GPM6A: variants seen among roughly 807,000 people sequenced by gnomAD.
The protein encoded by GPM6A is neuronal membrane glycoprotein M6-a.
GPM6A carries 7 observed loss-of-function variants against 32.1 expected under a neutral mutation model. That is an observed-to-expected ratio of 0.22 (90% CI 0.12 to 0.41). The LOEUF (loss-of-function observed/expected upper bound fraction) is 0.41. Ranked by LOEUF, GPM6A falls within the 10% of genes least tolerant of loss-of-function variation. The pLI, the probability that GPM6A is intolerant of heterozygous loss-of-function variation, is 1.00. For missense variants in GPM6A, 235 were observed against 347.2 expected (o/e 0.68, Z 2.57); for synonymous variants, 130 against 123.4 (o/e 1.05, Z -0.35).
intron 1 of GPM6A, among the ~76,000 whole-genome samples, chr4:175,704,321 TCA>T (rs112980051): frequency 0.027 from 4,016 of 150,106 alleles, 90 homozygotes; most frequent in South Asian, 0.11. Flanking sequence ...TCTCTTTCTC[TCA>T]CACACACACA....
At chr4:175,726,286 A>G (rs1746407244) in intron 1 of GPM6A, among the ~76,000 whole-genome samples, 1 of 152,080 alleles carries the variant, frequency 6.6e-6, no homozygotes. Flanking sequence ...GGCGTGAGCC[A>G]CTGCGCCCAG....
chr4:175,673,977 T>C (rs1158265635), intron 2 of GPM6A, 141 bp from the exon 3 acceptor site: 2 of 577,588 alleles, frequency 3.5e-6, no homozygotes, highest in Admixed American at 3.2e-5. Flanking sequence ...TTTAAAAACA[T>C]GTTTGCTTCA....
intron 3 of GPM6A, among the ~76,000 whole-genome samples, chr4:175,659,465 G>A (rs112264556): frequency 7.9e-4 from 120 of 152,044 alleles, no homozygotes; most frequent in African/African-American, 2.4e-3. Context: ...CTTTGCAGAA[G>A]GTAAAAGAGT....
At position 175,884,264 on chromosome 4, in the gene GPM6A, C is replaced by T. The variant is rs188620447; in HGVS notation, c.-22-72015G>A. Among the ~76,000 whole-genome samples, 257 of 152,264 alleles carry T rather than the reference C, an allele frequency of 1.7e-3. 1 individual carries two copies. The highest frequency in any genetic ancestry group is 5.4e-3 in the African/African-American group (225 of 41,540). On this transcript the variant is annotated intron_variant, in intron 1 of 7. Transcript: ENST00000280187. ...CAAGCATTGACAAAGAACGCAAGATCGTTAGATTCATTGTCTTCTTTTTCT... is the reference window on the plus strand; with the variant it reads ...CAAGCATTGACAAAGAACGCAAGATTGTTAGATTCATTGTCTTCTTTTTCT...
At chr4:175,669,383 C>A (rs1185965166) in intron 3 of GPM6A, among the ~76,000 whole-genome samples, 3 of 152,016 alleles carry the variant, frequency 2.0e-5, no homozygotes, top group Admixed American at 2.0e-4. Flanking sequence ...TGCTTAGGGC[C>A]AGAAGTGTTT....
Position 176,001,569 on chromosome 4 carries a change from A to T in GPM6A, c.-23+740T>A, listed in dbSNP as rs1168183150. Among the ~76,000 whole-genome samples, 3 of 152,094 alleles carry T rather than the reference A, an allele frequency of 2.0e-5. No individual in the cohort carries two copies. In the East Asian group the frequency reaches 5.8e-4, roughly 29 times the overall value. The stretch of plus-strand genomic sequence containing the variant: ...CTATTCCAAGCTGCCTCCGCTAAGC[A>T]CCGAATAAGCGGACCCTGCCTGGAA... On this transcript the variant is annotated intron_variant, in intron 1 of 7. Transcript: ENST00000280187.
chr4:175,886,832 G>T (rs143138244), intron 1 of GPM6A, among the ~76,000 whole-genome samples: 3 of 151,470 alleles, frequency 2.0e-5, no homozygotes, highest in Admixed American at 2.0e-4. Context: ...GATTAAACTT[G>T]CTTCTAATTG....
chr4:175,849,630 A>G (rs1006959828), intron 1 of GPM6A, among the ~76,000 whole-genome samples: 4 of 152,190 alleles, frequency 2.6e-5, no homozygotes, highest in African/African-American at 7.2e-5. Flanking sequence ...ACTAATAATC[A>G]TTTCTTCATA....
In GPM6A at chr4:175,927,896, AAAG is replaced by A. The variant is rs1338152323; in HGVS notation, c.-23+74410_-23+74412del. 2.6e-5 allele frequency among the ~76,000 whole-genome samples: 4 copies of A among 152,308 alleles called. No individual in the cohort carries two copies. In the East Asian group the frequency reaches 7.7e-4, roughly 29 times the overall value. ...CAAGACTCCGTCTCAAAAAGAAAAA[AAAG>A]AATAAAGATATAACTCATCTCATGC... is the stretch of plus-strand genomic sequence containing the variant. On this transcript the variant is annotated intron_variant, in intron 1 of 7. Transcript: ENST00000280187.
chr4:175,842,077 G>A (rs999368286), intron 1 of GPM6A, among the ~76,000 whole-genome samples: 2 of 152,040 alleles, frequency 1.3e-5, no homozygotes, highest in Non-Finnish European at 2.9e-5. Context: ...TTAAAATTTA[G>A]TTCTTTTTGG....
At chr4:175,696,581 C>T (rs1744593398) in intron 2 of GPM6A, among the ~76,000 whole-genome samples, 1 of 152,120 alleles carries the variant, frequency 6.6e-6, no homozygotes, top group African/African-American at 2.4e-5. Context: ...CTAGTTATGA[C>T]TTACATTATG....
At chr4:175,987,909 A>G (rs906134689) in intron 1 of GPM6A, among the ~76,000 whole-genome samples, 2 of 152,170 alleles carry the variant, frequency 1.3e-5, no homozygotes, top group African/African-American at 4.8e-5. Flanking sequence ...ACCTGACTGA[A>G]AAAGTCTAAA....
chr4:175,659,658 T>C (rs1742289181), intron 3 of GPM6A, among the ~76,000 whole-genome samples: 1 of 152,232 alleles, frequency 6.6e-6, no homozygotes, highest in Non-Finnish European at 1.5e-5. Flanking sequence ...GATAAGTTTA[T>C]CATGTCATAT....
intron 1 of GPM6A, among the ~76,000 whole-genome samples, chr4:175,703,509 T>A (rs1423527379): frequency 6.6e-6 from 1 of 152,194 alleles, no homozygotes; most frequent in Non-Finnish European, 1.5e-5. Flanking sequence ...TACTGTGCTG[T>A]CATGTGGTTG....
At chr4:175,683,119 C>T (rs111899923) in intron 2 of GPM6A, among the ~76,000 whole-genome samples, 4,062 of 152,284 alleles carry the variant, frequency 0.027, 97 homozygotes, top group South Asian at 0.1. Flanking sequence ...ATGCTGAAGG[C>T]CTTGAGGGCC....
intron 1 of GPM6A, among the ~76,000 whole-genome samples, chr4:175,995,654 G>T (rs890349080): frequency 9.2e-5 from 14 of 152,030 alleles, no homozygotes; most frequent in Non-Finnish European, 2.1e-4. Context: ...CTTGGGAGTT[G>T]GGACCCAGGA....
intron 2 of GPM6A, among the ~76,000 whole-genome samples, chr4:175,690,382 G>A (rs900532778): frequency 6.6e-6 from 1 of 152,180 alleles, no homozygotes; most frequent in African/African-American, 2.4e-5. Context: ...TAAGTTATGT[G>A]TTAATTTCCT....
intron 1 of GPM6A, among the ~76,000 whole-genome samples, chr4:175,821,027 G>A (rs1735262869): frequency 6.6e-6 from 1 of 152,066 alleles, no homozygotes; most frequent in Non-Finnish European, 1.5e-5. Flanking sequence ...TGGAATCATT[G>A]GGTAGGAGAT....
In GPM6A at chr4:175,739,926, G is replaced by T. The variant is rs967323187; in HGVS notation, c.38-38159C>A. On this transcript the variant is annotated intron_variant, in intron 1 of 6. Coordinates refer to ENST00000393658, the MANE Select transcript of GPM6A (RefSeq NM_201591.3). ...AATGATCATTTTATTCCACAAAAGT[G>T]AAAATTACATAAAAATATTCTGGAA... Among the ~76,000 whole-genome samples the T allele has an allele frequency of 6.6e-5, 10 of 151,740 alleles. 1 individual carries two copies. The highest frequency in any genetic ancestry group is 1.5e-4 in the Non-Finnish European group (10 of 67,850).
Sources: allele counts gnomAD v4.1 joint callset (sites outside exome capture counted in the v4.1 genomes callset), GRCh38; gene constraint gnomAD v4.1.1; transcripts MANE v1.5; gene names NCBI Gene and HGNC (gene_info 2026-07-23, HGNC 2026-07-21).